The following C3orf33 variants were observed in gnomAD, a reference collection of about 807,000 sequenced individuals.
C3orf33 encodes the protein AP-1 activity suppressor.
In C3orf33, 23 loss-of-function variants were observed where a neutral mutation model predicts 28.7. The observed-to-expected ratio is 0.80, with a 90% CI of 0.58 to 1.13. C3orf33 has a LOEUF of 1.13. C3orf33 is among the 50% of genes most tolerant of loss of function. C3orf33 has a pLI of 0.00. For missense variants in C3orf33, 327 were observed against 353.4 expected (o/e 0.93, Z 0.60); for synonymous variants, 119 against 120.5 (o/e 0.99, Z 0.08).
intron 1 of C3orf33, chr3:155,804,181 AAAAG>A (rs1751749395): frequency 2.3e-6 from 1 of 432,158 alleles, no homozygotes; most frequent in Non-Finnish European, 4.6e-6. Context: ...GGTCTAAAAA[AAAAG>A]AAAAAGGAAA....
In C3orf33 at chr3:155,805,473, C is replaced by T. The variant is rs1751782409; in HGVS notation, c.114+666G>A. On this transcript the variant is annotated intron_variant, in intron 1 of 4. Transcript: ENST00000340171. ...AGACCCTGTCTCAAAAAAAAGAAAT[C>T]TATTCGGGAGGCTGAGGTGGGAGAT... is the stretch of plus-strand genomic sequence containing the variant. The T allele has an allele frequency of 1.1e-5, 4 of 372,938 alleles. No individual in the cohort carries two copies. In the Admixed American group the frequency reaches 1.2e-4, roughly 12 times the overall value. The allele number at this position is 372,938 out of a possible 1,614,324, so 23.1% of individuals were successfully genotyped here. A position where few individuals can be genotyped will look rare whatever the true frequency, so the allele number is the denominator to read the frequency against.
chr3:155,802,893 C>A (rs1205783558), intron 1 of C3orf33, among the ~76,000 whole-genome samples: 1 of 151,314 alleles, frequency 6.6e-6, no homozygotes, highest in Non-Finnish European at 1.5e-5. Context: ...ATATACACAC[C>A]CACCCACCCC....
At position 155,787,299 on chromosome 3, in the gene C3orf33, A is replaced by T. The variant is rs1173786191; in HGVS notation, c.175-11451T>A. On this transcript the variant is annotated intron_variant, in intron 2 of 4. Transcript: ENST00000340171. ...ATGTAGCCTTGACCTGCTGGGCTCAATCGATCCTCCCACCTCAGCCTCCTG... is the reference window on the plus strand; with the variant it reads ...ATGTAGCCTTGACCTGCTGGGCTCATTCGATCCTCCCACCTCAGCCTCCTG... 2.0e-5 allele frequency among the ~76,000 whole-genome samples: 3 copies of T among 151,024 alleles called. No homozygotes were observed. The East Asian group carries it at 5.9e-4, about 29-fold the overall frequency.
At chr3:155,777,917 C>T (rs1326017182) in intron 2 of C3orf33, among the ~76,000 whole-genome samples, 4 of 151,794 alleles carry the variant, frequency 2.6e-5, no homozygotes, top group South Asian at 2.1e-4. Context: ...TTTGGGAGGC[C>T]GAGGAGGACA....
At chr3:155,794,328 AG>A (rs1239112018) in intron 2 of C3orf33, among the ~76,000 whole-genome samples, 4 of 152,138 alleles carry the variant, frequency 2.6e-5, no homozygotes, top group Non-Finnish European at 5.9e-5. Context: ...TTAAAATAAC[AG>A]GTGATAAGAT....
At chr3:155,776,748 C>T (rs1372102429) in intron 2 of C3orf33, among the ~76,000 whole-genome samples, 1 of 105,314 alleles carries the variant, frequency 9.5e-6, no homozygotes, top group African/African-American at 3.8e-5. Flanking sequence ...AGAGCGAGAA[C>T]CTGACTCTGT....
intron 3 of C3orf33, among the ~76,000 whole-genome samples, chr3:155,774,973 T>A (rs1324563905): frequency 6.6e-6 from 1 of 152,124 alleles, no homozygotes; most frequent in Admixed American, 6.5e-5. Flanking sequence ...CATACTGCCA[T>A]CCCCAAGACC....
At chr3:155,787,777 G>A (rs983611594) in intron 2 of C3orf33, among the ~76,000 whole-genome samples, 1 of 151,694 alleles carries the variant, frequency 6.6e-6, no homozygotes, top group Non-Finnish European at 1.5e-5. Context: ...GCCTCCCAAA[G>A]TGCTGGGATT....
intron 2 of C3orf33, among the ~76,000 whole-genome samples, chr3:155,776,431 T>C (rs1238181603): frequency 6.6e-6 from 1 of 152,186 alleles, no homozygotes; most frequent in Non-Finnish European, 1.5e-5. Flanking sequence ...GCCTATTTTT[T>C]CCACGTTAAC....
intron 2 of C3orf33, among the ~76,000 whole-genome samples, chr3:155,799,729 T>C (rs1160018077): frequency 6.6e-6 from 1 of 152,114 alleles, no homozygotes; most frequent in East Asian, 1.9e-4. Flanking sequence ...CATGGTAGAA[T>C]ACTATTCATC....
At chr3:155,774,664 T>G (rs892553831) in intron 3 of C3orf33, among the ~76,000 whole-genome samples, 1 of 128,798 alleles carries the variant, frequency 7.8e-6, no homozygotes, top group East Asian at 2.4e-4. Flanking sequence ...GATATTGTTT[T>G]GCTTTTTTTT....
chr3:155,791,045 A>G (rs1406374614), intron 2 of C3orf33, among the ~76,000 whole-genome samples: 1 of 152,198 alleles, frequency 6.6e-6, no homozygotes, highest in Non-Finnish European at 1.5e-5. Flanking sequence ...CATGGCTCAC[A>G]GCCCCAGGAG....
intron 2 of C3orf33, among the ~76,000 whole-genome samples, chr3:155,788,074 C>T (rs1243822067): frequency 1.3e-5 from 2 of 151,782 alleles, no homozygotes; most frequent in African/African-American, 4.8e-5. Flanking sequence ...GCCTGTAGTC[C>T]CAGCTACTGG....
chr3:155,771,071 G>T (rs1021242950), intron 3 of C3orf33, among the ~76,000 whole-genome samples: 7 of 131,566 alleles, frequency 5.3e-5, no homozygotes, highest in African/African-American at 1.8e-4. Context: ...ACATAGTTTT[G>T]CTCTGCCACC....
chr3:155,771,017 CTGTGTGTGTGTGTG>C (rs71138678), intron 3 of C3orf33, among the ~76,000 whole-genome samples: 55 of 109,660 alleles, frequency 5.0e-4, no homozygotes, highest in South Asian at 1.5e-3. Context: ...TGCTCTGCCA[CTGTGTGTGTGTGTG>C]TGTGTGTGTG....
At chr3:155,780,246 A>G (rs1470979646) in intron 2 of C3orf33, among the ~76,000 whole-genome samples, 2 of 152,208 alleles carry the variant, frequency 1.3e-5, no homozygotes, top group East Asian at 3.8e-4. Context: ...TGCTGTGTCT[A>G]AGCTTCAGAC....
intron 1 of C3orf33, among the ~76,000 whole-genome samples, chr3:155,805,393 G>C (rs1305831873): frequency 6.6e-6 from 1 of 152,160 alleles, no homozygotes; most frequent in Non-Finnish European, 1.5e-5. Flanking sequence ...AGCCCAGGAA[G>C]TGGAGACTGC....
At chr3:155,794,959 T>C (rs932344227) in intron 2 of C3orf33, among the ~76,000 whole-genome samples, 43 of 152,134 alleles carry the variant, frequency 2.8e-4, no homozygotes, top group African/African-American at 9.4e-4. Context: ...AATATAATAA[T>C]AGCTGGAGAC....
At chr3:155,778,832 A>G (rs1388141100) in intron 2 of C3orf33, among the ~76,000 whole-genome samples, 2 of 152,212 alleles carry the variant, frequency 1.3e-5, no homozygotes, top group Admixed American at 6.5e-5. Context: ...GGGGTAATCT[A>G]TGGAACTCTG....
Sources: allele counts gnomAD v4.1 joint callset (sites outside exome capture counted in the v4.1 genomes callset), GRCh38; gene constraint gnomAD v4.1.1; transcripts MANE v1.5; gene names NCBI Gene and HGNC (gene_info 2026-07-23, HGNC 2026-07-21).